Variants in CACNA1C observed in about 807,000 individuals in gnomAD.
CACNA1C encodes the protein calcium voltage-gated channel subunit alpha1 C.
A neutral mutation model predicts 229.0 loss-of-function variants in CACNA1C; 30 were observed. The ratio of observed to expected loss-of-function variants is 0.13; its 90% CI spans 0.10 to 0.18. CACNA1C has a LOEUF of 0.18. Among genes scored for constraint, CACNA1C ranks in the 10% least tolerant of loss-of-function variants. CACNA1C has a pLI of 1.00. For missense variants in CACNA1C, 1,658 were observed against 2,845.0 expected, an observed-to-expected ratio of 0.58 and a Z score of 9.49; for synonymous variants, 1,114 against 1,132.5, an observed-to-expected ratio of 0.98 and a Z score of 0.33.
chr12:2,090,310 CTTTTTTTTTTTTTTT>C (rs145675982), intron 1 of CACNA1C, among the ~76,000 whole-genome samples: 1 of 69,188 alleles, frequency 1.4e-5, no homozygotes, highest in Admixed American at 2.3e-4. Context: ...GGATAGACTA[CTTTTTTTTTTTTTTT>C]TTTTTTTTTT....
At position 2,053,111 on chromosome 12, in the gene CACNA1C, T is replaced by C; in HGVS notation, c.-452T>C. 1 of 984,268 alleles carries C rather than the reference T, an allele frequency of 1.0e-6. No homozygotes were observed. The highest frequency in any genetic ancestry group is 1.2e-6 in the Non-Finnish European group (1 of 829,506). The allele number at this position is 984,268 out of a possible 1,614,324, so 61.0% of individuals were successfully genotyped here. The stretch of plus-strand genomic sequence containing the variant: ...GCGCCCAGGAGTTGCCGGCTCCCTT[T>C]GACAGCAGAGAGCCGGGCAGGGGCC... On this transcript the variant is annotated 5_prime_UTR_variant, in exon 1 of 47. Coordinates refer to ENST00000399655, the MANE Select transcript of CACNA1C (RefSeq NM_000719.7). This position sits in a 1 kb window ranked among gnomAD's most constrained non-coding sequence, Gnocchi z 5.8.
chr12:2,321,656 C>T (rs1179795177), intron 3 of CACNA1C, among the ~76,000 whole-genome samples: 1 of 152,110 alleles, frequency 6.6e-6, no homozygotes, highest in Non-Finnish European at 1.5e-5. Flanking sequence ...TCATATAGCA[C>T]TAGGTGCCAT....
chr12:2,028,894 T>G (rs956221295), intron 1 of CACNA1C, among the ~76,000 whole-genome samples: 1 of 152,218 alleles, frequency 6.6e-6, no homozygotes, highest in Admixed American at 6.5e-5. Context: ...AAAGTTGGAA[T>G]CATCAGTCTT....
intron 3 of CACNA1C, among the ~76,000 whole-genome samples, chr12:2,128,082 C>T (rs2090852131): frequency 6.6e-6 from 1 of 152,126 alleles, no homozygotes; most frequent in East Asian, 1.9e-4. Context: ...GCTGAGTGAA[C>T]CCTGGGTGAA....
chr12:2,412,742 T>C (rs890838527), intron 3 of CACNA1C, among the ~76,000 whole-genome samples: 2 of 152,096 alleles, frequency 1.3e-5, no homozygotes, highest in Non-Finnish European at 2.9e-5. Flanking sequence ...ATTTGCTGAG[T>C]TTTCAAACTA....
rs771302202 is a variant in CACNA1C at position 1,971,035 on chromosome 12, C to G, written c.-28C>G. Reference sequence around the variant, plus strand: ...ATAATTATTTAGCTTTAAAAATCAACCAATTAATATACATCTGGAAATTCA... The same window carrying G: ...ATAATTATTTAGCTTTAAAAATCAAGCAATTAATATACATCTGGAAATTCA... On this transcript the variant is annotated 5_prime_UTR_variant, in exon 1 of 47. Transcript: ENST00000682462. This position sits in a 1 kb window ranked among gnomAD's most constrained non-coding sequence, Gnocchi z 4.2. The G allele has an allele frequency of 9.5e-6, 12 of 1,260,148 alleles. No homozygotes were observed. In the Admixed American group the frequency reaches 3.0e-4, roughly 32 times the overall value. The allele number at this position is 1,260,148 out of a possible 1,614,324, so 78.1% of individuals were successfully genotyped here. A position where few individuals can be genotyped will look rare whatever the true frequency, so the allele number is the denominator to read the frequency against.
intron 3 of CACNA1C, among the ~76,000 whole-genome samples, chr12:2,387,039 T>G (rs181119416): frequency 3.2e-4 from 49 of 152,332 alleles, no homozygotes; most frequent in South Asian, 1.9e-3. Flanking sequence ...TAAACTGACT[T>G]TAGTTATTCC....
intron 11 of CACNA1C, among the ~76,000 whole-genome samples, chr12:2,562,299 C>T (rs541210803): frequency 6.6e-6 from 1 of 152,320 alleles, no homozygotes; most frequent in Non-Finnish European, 1.5e-5. Flanking sequence ...CACTCCAAGA[C>T]AGCTCTACAT....
intron 30 of CACNA1C, among the ~76,000 whole-genome samples, chr12:2,637,793 A>G (rs1603175147): frequency 6.6e-6 from 1 of 152,234 alleles, no homozygotes; most frequent in Non-Finnish European, 1.5e-5. Context: ...TCCCAGGGAT[A>G]TGGTCTATTT....
chr12:2,660,026 A>C (rs1384031219), intron 34 of CACNA1C: 1 of 174,686 alleles, frequency 5.7e-6, no homozygotes, highest in Non-Finnish European at 1.2e-5. Context: ...TATGAGAAGC[A>C]TATGGCCTCA....
intron 1 of CACNA1C, among the ~76,000 whole-genome samples, chr12:2,078,336 T>A (rs973737814): frequency 2.0e-5 from 3 of 152,328 alleles, no homozygotes. Context: ...CCGGCTAGTC[T>A]ATGGTATTTT....
At chr12:2,103,236 T>C (rs1327226399) in intron 1 of CACNA1C, among the ~76,000 whole-genome samples, 1 of 152,228 alleles carries the variant, frequency 6.6e-6, no homozygotes, top group Non-Finnish European at 1.5e-5. Context: ...CCACATCCTT[T>C]CCAGCATCTG....
intron 3 of CACNA1C, among the ~76,000 whole-genome samples, chr12:2,402,172 A>G (rs1188039683): frequency 6.6e-6 from 1 of 152,258 alleles, no homozygotes; most frequent in Admixed American, 6.5e-5. Flanking sequence ...GACTCCACCA[A>G]AGCTAGACAA....
chr12:2,107,524 G>A (rs2154120563), intron 1 of CACNA1C, among the ~76,000 whole-genome samples: 1 of 152,174 alleles, frequency 6.6e-6, no homozygotes, highest in East Asian at 1.9e-4. Flanking sequence ...GCTCACCCTG[G>A]AGAGGGTTTC....
At chr12:2,438,481 GC>G (rs1404651603) in intron 3 of CACNA1C, among the ~76,000 whole-genome samples, 3 of 151,964 alleles carry the variant, frequency 2.0e-5, no homozygotes, top group African/African-American at 7.3e-5. Context: ...GAGCAGGGTG[GC>G]CACTGAGCTG....
intron 9 of CACNA1C, among the ~76,000 whole-genome samples, chr12:2,545,152 AT>A (rs2154591688): frequency 6.6e-6 from 1 of 151,210 alleles, no homozygotes; most frequent in Admixed American, 6.6e-5. Flanking sequence ...TCACAATTTG[AT>A]TGAGAAATAG....
At chr12:2,072,390 G>A (rs1463433920) in intron 1 of CACNA1C, among the ~76,000 whole-genome samples, 1 of 152,030 alleles carries the variant, frequency 6.6e-6, no homozygotes, top group East Asian at 1.9e-4. Context: ...AGTAGAGACG[G>A]GGTTTCACTG....
intron 3 of CACNA1C, among the ~76,000 whole-genome samples, chr12:2,219,090 T>C (rs573484945): frequency 2.0e-4 from 30 of 152,334 alleles, no homozygotes; most frequent in African/African-American, 6.5e-4. Flanking sequence ...GACTATATGA[T>C]CTAAAAATCA....
At chr12:2,676,230 G>A (rs2096803924) in intron 39 of CACNA1C, 1 of 152,180 alleles carries the variant, frequency 6.6e-6, no homozygotes, top group Admixed American at 6.5e-5. Context: ...GGGACCCTGG[G>A]TTTTTCCCTC....
Sources: gnomAD v4.1 joint callset for allele counts (sites outside exome capture counted in the v4.1 genomes callset) on GRCh38, gnomAD v4.1.1 for gene constraint, Gnocchi (gnomAD v3.1) non-coding constraint, MANE v1.5 for transcripts, NCBI Gene and HGNC (gene_info 2026-07-23, HGNC 2026-07-21) for gene names.